The following CNTNAP2 variants were observed in gnomAD, a reference collection of about 807,000 sequenced individuals.
The protein encoded by CNTNAP2 is contactin associated protein 2, also known as contactin-associated protein-like 2.
A neutral mutation model predicts 155.2 loss-of-function variants in CNTNAP2; 98 were observed. The observed-to-expected ratio is 0.63, with a 90% CI of 0.54 to 0.75. The LOEUF is 0.75. Among genes scored for constraint, CNTNAP2 ranks in the 30% least tolerant of loss-of-function variants. The pLI is 0.00. For synonymous variants in CNTNAP2, 651 were observed against 631.2 expected, an observed-to-expected ratio of 1.03 and a Z score of -0.47; for missense variants, 1,727 against 1,688.1, an observed-to-expected ratio of 1.02 and a Z score of -0.40.
intron 15 of CNTNAP2, among the ~76,000 whole-genome samples, chr7:148,064,677 T>TAA (rs35247645): frequency 0.027 from 3,374 of 126,062 alleles, 68 homozygotes; most frequent in Non-Finnish European, 0.042. Flanking sequence ...TAATAGCTGT[T>TAA]AAAAAAAAAA....
intron 3 of CNTNAP2, among the ~76,000 whole-genome samples, chr7:146,907,736 C>T (rs1352987437): frequency 2.7e-5 from 4 of 150,004 alleles, no homozygotes; most frequent in Non-Finnish European, 5.9e-5. Context: ...GAAGAAACTG[C>T]ATCAACTAAT....
chr7:147,512,610 G>A (rs1029738543), intron 11 of CNTNAP2, among the ~76,000 whole-genome samples: 15 of 152,038 alleles, frequency 9.9e-5, no homozygotes, highest in Admixed American at 2.6e-4. Context: ...TTTATCATTA[G>A]GAACCTAAGT....
At chr7:147,681,250 GC>G (rs1446837652) in intron 13 of CNTNAP2, among the ~76,000 whole-genome samples, 3 of 151,954 alleles carry the variant, frequency 2.0e-5, no homozygotes. Flanking sequence ...GACTTAAGAA[GC>G]TTTTCTTAAA....
chr7:146,681,334 T>G (rs1379244712), intron 1 of CNTNAP2, among the ~76,000 whole-genome samples: 1 of 146,348 alleles, frequency 6.8e-6, no homozygotes, highest in Non-Finnish European at 1.5e-5. Context: ...CAGATTATAG[T>G]TGCTTTGAGA....
chr7:146,677,370 T>C (rs988215141), intron 1 of CNTNAP2, among the ~76,000 whole-genome samples: 2 of 152,170 alleles, frequency 1.3e-5, no homozygotes, highest in African/African-American at 4.8e-5. Flanking sequence ...AACCTCAAGG[T>C]AGCAGGATTC....
intron 15 of CNTNAP2, among the ~76,000 whole-genome samples, chr7:148,096,256 C>T (rs1261241427): frequency 1.4e-5 from 2 of 147,362 alleles, no homozygotes; most frequent in African/African-American, 2.5e-5. Flanking sequence ...TTAAGCTGAA[C>T]GTTTTTCTGC....
At chr7:146,235,684 C>T (rs1799460895) in intron 1 of CNTNAP2, among the ~76,000 whole-genome samples, 1 of 151,960 alleles carries the variant, frequency 6.6e-6, no homozygotes, top group Non-Finnish European at 1.5e-5. Context: ...TTCAGGTGCA[C>T]AGGCCGTGGC....
At chr7:148,026,179 C>T (rs918391683) in intron 15 of CNTNAP2, among the ~76,000 whole-genome samples, 9 of 152,050 alleles carry the variant, frequency 5.9e-5, no homozygotes, top group East Asian at 1.9e-4. Context: ...CCAGGTGTGG[C>T]GGCTCACACC....
chr7:147,065,149 C>T (rs183967339), intron 4 of CNTNAP2, among the ~76,000 whole-genome samples: 17 of 152,192 alleles, frequency 1.1e-4, no homozygotes, highest in Admixed American at 9.8e-4. Flanking sequence ...AGCTATGAAG[C>T]CTTAAGCAAG....
Position 147,267,550 on chromosome 7 carries a change from G to A in CNTNAP2, c.1349-32591G>A, listed in dbSNP as rs1156758891. ...AGCTTTTCCTATTATGCCAACCAAG[G>A]TTAACACATTTTTTTTTTTCTGAAT... On this transcript the variant is annotated intron_variant, in intron 8 of 23. Transcript: ENST00000361727. Among the ~76,000 whole-genome samples the A allele has an allele frequency of 4.5e-5, 4 of 89,842 alleles. No individual in the cohort carries two copies. The East Asian group carries it at 9.3e-4, about 21-fold the overall frequency. 58.9% of individuals were successfully genotyped at this position (89,842 alleles called of 152,430 possible). A position where few individuals can be genotyped will look rare whatever the true frequency, so the allele number is the denominator to read the frequency against.
intron 8 of CNTNAP2, among the ~76,000 whole-genome samples, chr7:147,274,445 G>A (rs969997589): frequency 5.9e-5 from 9 of 151,970 alleles, no homozygotes; most frequent in Non-Finnish European, 1.2e-4. Flanking sequence ...ATTTTTATAT[G>A]TTTATTGGCC....
intron 13 of CNTNAP2, among the ~76,000 whole-genome samples, chr7:147,780,516 A>C (rs963487130): frequency 1.3e-5 from 2 of 152,216 alleles, no homozygotes; most frequent in African/African-American, 2.4e-5. Flanking sequence ...TTGGAAATAA[A>C]GTTTCCCATC....
chr7:147,243,838 T>C (rs1244693611), intron 8 of CNTNAP2, among the ~76,000 whole-genome samples: 1 of 152,204 alleles, frequency 6.6e-6, no homozygotes, highest in Non-Finnish European at 1.5e-5. Context: ...GTTTCTTCTT[T>C]TTTTAAATAA....
chr7:146,356,840 C>T (rs1315316569), intron 1 of CNTNAP2, among the ~76,000 whole-genome samples: 3 of 152,116 alleles, frequency 2.0e-5, no homozygotes, highest in African/African-American at 7.2e-5. Flanking sequence ...TTTAAACATT[C>T]TACTTTCCAT....
At chr7:147,255,656 A>T (rs892194838) in intron 8 of CNTNAP2, among the ~76,000 whole-genome samples, 1 of 152,236 alleles carries the variant, frequency 6.6e-6, no homozygotes, top group Non-Finnish European at 1.5e-5. Context: ...GATAAAAGTA[A>T]TACATTTTAC....
chr7:147,912,324 C>T (rs1800081506), intron 14 of CNTNAP2, among the ~76,000 whole-genome samples: 1 of 152,174 alleles, frequency 6.6e-6, no homozygotes, highest in Non-Finnish European at 1.5e-5. Flanking sequence ...GCAGCCTCTT[C>T]AGTATTCAAA....
In CNTNAP2 at chr7:148,338,421, G is replaced by C. The variant is rs960545611; in HGVS notation, c.3476-45228G>C. On this transcript the variant is annotated intron_variant, in intron 21 of 23. Transcript: ENST00000361727. Reference sequence around the variant, plus strand: ...AAGACAGAAGAACAGAGCGCTTTACGAAAGTCAAGTTACAGCTTCCTAATT... The same window carrying C: ...AAGACAGAAGAACAGAGCGCTTTACCAAAGTCAAGTTACAGCTTCCTAATT... Among the ~76,000 whole-genome samples, 6 of 152,286 alleles carry C rather than the reference G, an allele frequency of 3.9e-5. No homozygotes were observed. The South Asian group carries it at 1.2e-3, about 32-fold the overall frequency.
chr7:148,051,342 TGTCCTG>T (rs1802885471), intron 15 of CNTNAP2, among the ~76,000 whole-genome samples: 1 of 152,172 alleles, frequency 6.6e-6, no homozygotes, highest in Admixed American at 6.5e-5. Flanking sequence ...AGAGCATTTA[TGTCCTG>T]GCGGGAGTTG....
intron 15 of CNTNAP2, among the ~76,000 whole-genome samples, chr7:148,071,571 C>G (rs539230357): frequency 6.6e-4 from 101 of 152,076 alleles, no homozygotes; most frequent in Admixed American, 1.4e-3. Context: ...GAGGAAGGTG[C>G]GAATCATCTG....
Sources: gnomAD v4.1 joint callset for allele counts (sites outside exome capture counted in the v4.1 genomes callset) on GRCh38, gnomAD v4.1.1 for gene constraint, MANE v1.5 for transcripts, NCBI Gene and HGNC (gene_info 2026-07-23, HGNC 2026-07-21) for gene names.